Variants in OR1J2 observed in about 807,000 individuals in gnomAD.
OR1J2 encodes olfactory receptor family 1 subfamily J member 2.
For missense variants in OR1J2, 304 were observed against 246.1 expected (o/e 1.24, Z -1.57); for synonymous variants, 142 against 99.7 (o/e 1.42, Z -2.52).
downstream of OR1J2, among the ~76,000 whole-genome samples, chr9:122,512,468 A>G (rs894827350): frequency 2.0e-5 from 3 of 152,206 alleles, no homozygotes; most frequent in African/African-American, 7.2e-5. Flanking sequence ...ATGCTGTAGA[A>G]TGTTTACTAA....
At chr9:122,542,392 T>A in the OR1J2 span, among the ~76,000 whole-genome samples, 3 of 152,216 alleles carry the variant, frequency 2.0e-5, no homozygotes, top group African/African-American at 2.4e-5. Flanking sequence ...TTAGCTTTAG[T>A]AGATGTAGAC....
chr9:122,552,079 T>TCTCTCTCTGTCACACA, the OR1J2 span, among the ~76,000 whole-genome samples: 6 of 142,086 alleles, frequency 4.2e-5, no homozygotes, highest in South Asian at 2.2e-4. Context: ...TCTCTCTCTC[T>TCTCTCTCTGTCACACA]CACACACACA....
At chr9:122,538,910 C>A in the OR1J2 span, among the ~76,000 whole-genome samples, 2 of 152,068 alleles carry the variant, frequency 1.3e-5, no homozygotes, top group Non-Finnish European at 2.9e-5. Context: ...GAAAAACTAC[C>A]TATAGGGTAC....
At chr9:122,525,869 C>T in the OR1J2 span, among the ~76,000 whole-genome samples, 1 of 152,118 alleles carries the variant, frequency 6.6e-6, no homozygotes, top group Admixed American at 6.5e-5. Flanking sequence ...CACTTAATGC[C>T]ACAAACAAAA....
At chr9:122,553,321 T>G in the OR1J2 span, 6 of 1,614,052 alleles carry the variant, frequency 3.7e-6, no homozygotes, top group Non-Finnish European at 4.2e-6. Context: ...TTCCTTGGCA[T>G]GTACCTGGTC....
At chr9:122,498,888 G>A in the OR1J2 span, among the ~76,000 whole-genome samples, 5 of 152,182 alleles carry the variant, frequency 3.3e-5, no homozygotes, top group African/African-American at 9.7e-5. Flanking sequence ...ATACTGGGGG[G>A]TAGGGTATTT....
chr9:122,468,944 A>T, the OR1J2 span, among the ~76,000 whole-genome samples: 1 of 152,232 alleles, frequency 6.6e-6, no homozygotes, highest in Non-Finnish European at 1.5e-5. Flanking sequence ...CTGACAGACC[A>T]GCTTTTAATT....
the OR1J2 span, among the ~76,000 whole-genome samples, chr9:122,465,292 C>T: frequency 6.6e-6 from 1 of 152,174 alleles, no homozygotes; most frequent in Non-Finnish European, 1.5e-5. Context: ...GTGCCAGGCA[C>T]ACTGTAAAAC....
chr9:122,513,598 C>T (rs1026632335), downstream of OR1J2, among the ~76,000 whole-genome samples: 3 of 151,648 alleles, frequency 2.0e-5, no homozygotes, highest in Non-Finnish European at 2.9e-5. Flanking sequence ...CATAGGTATA[C>T]GTGTACCATG....
At chr9:122,517,307 G>A in the OR1J2 span, among the ~76,000 whole-genome samples, 1 of 152,222 alleles carries the variant, frequency 6.6e-6, no homozygotes, top group Non-Finnish European at 1.5e-5. Context: ...AAATGCTGGA[G>A]TGAGCAGGTG....
At chr9:122,563,793 G>C in the OR1J2 span, among the ~76,000 whole-genome samples, 1 of 152,142 alleles carries the variant, frequency 6.6e-6, no homozygotes, top group African/African-American at 2.4e-5. Flanking sequence ...TTTTGTATGT[G>C]GTAAGAGATA....
At chr9:122,527,053 C>T in the OR1J2 span, 3 of 1,614,180 alleles carry the variant, frequency 1.9e-6, no homozygotes, top group African/African-American at 4.0e-5. Flanking sequence ...TGTATATTCA[C>T]CAGCATCTTG....
chr9:122,553,724 C>T, the OR1J2 span: 6 of 1,613,300 alleles, frequency 3.7e-6, no homozygotes, highest in Non-Finnish European at 5.1e-6. Context: ...GCGTGGCTTT[C>T]TGTGCCCAGA....
the OR1J2 span, among the ~76,000 whole-genome samples, chr9:122,504,643 C>T: frequency 2.6e-5 from 4 of 152,186 alleles, no homozygotes; most frequent in African/African-American, 9.7e-5. Context: ...CTTGTGACCA[C>T]ATACATGTCA....
chr9:122,475,362 C>A, the OR1J2 span, among the ~76,000 whole-genome samples: 2 of 152,174 alleles, frequency 1.3e-5, no homozygotes, highest in Non-Finnish European at 2.9e-5. Context: ...CTCTCTCCCG[C>A]CACATTTCTT....
At chr9:122,571,208 T>C in the OR1J2 span, among the ~76,000 whole-genome samples, 1 of 152,084 alleles carries the variant, frequency 6.6e-6, no homozygotes, top group African/African-American at 2.4e-5. Flanking sequence ...GATGGTGGGA[T>C]TTGAAAGCTT....
chr9:122,487,078 A>T, the OR1J2 span, among the ~76,000 whole-genome samples: 30,666 of 152,018 alleles, frequency 0.2, 3,266 homozygotes, highest in Middle Eastern at 0.31. Context: ...TGATACCTAT[A>T]TTCCATCAGT....
the OR1J2 span, among the ~76,000 whole-genome samples, chr9:122,502,615 G>T: frequency 6.6e-6 from 1 of 151,866 alleles, no homozygotes; most frequent in East Asian, 1.9e-4. Flanking sequence ...CCTTCATTAT[G>T]TAGCAGAACC....
chr9:122,520,439 T>C, the OR1J2 span, among the ~76,000 whole-genome samples: 2 of 152,340 alleles, frequency 1.3e-5, no homozygotes, highest in South Asian at 2.1e-4. Flanking sequence ...CATTTCCCTT[T>C]CTTTCTTCCC....
Sources: allele counts gnomAD v4.1 joint callset (sites outside exome capture counted in the v4.1 genomes callset), GRCh38; gene constraint gnomAD v4.1.1; transcripts MANE v1.5; gene names NCBI Gene and HGNC (gene_info 2026-07-23, HGNC 2026-07-21).